The following SLC24A1 variants were observed in gnomAD, a reference collection of about 807,000 sequenced individuals.
SLC24A1 encodes the protein solute carrier family 24 member 1, also known as sodium/potassium/calcium exchanger 1.
SLC24A1 carries 52 observed loss-of-function variants against 88.1 expected under a neutral mutation model. That is an observed-to-expected ratio of 0.59 (90% CI 0.47 to 0.74). SLC24A1 has a LOEUF of 0.74. SLC24A1 is among the 30% of genes least tolerant of loss of function. The pLI, the probability that SLC24A1 is intolerant of heterozygous loss-of-function variation, is 0.00. For synonymous variants in SLC24A1, 455 were observed against 498.0 expected, an observed-to-expected ratio of 0.91 and a Z score of 1.15; for missense variants, 1,173 against 1,363.3, an observed-to-expected ratio of 0.86 and a Z score of 2.20.
At chr15:65,623,809 G>T in intron 1 of SLC24A1, 146 bp from the exon 2 acceptor site, 1 of 371,722 alleles carries the variant, frequency 2.7e-6, no homozygotes, top group Non-Finnish European at 4.8e-6. Flanking sequence ...GGAGCAGGGG[G>T]CAGGAGTAGT....
intron 4 of SLC24A1, among the ~76,000 whole-genome samples, chr15:65,640,609 G>C (rs564140941): frequency 6.6e-6 from 1 of 152,306 alleles, no homozygotes; most frequent in African/African-American, 2.4e-5. Context: ...GGAGGGCTGA[G>C]GGCTGAGCTG....
chr15:65,637,141 T>G (rs1264385987), intron 2 of SLC24A1, among the ~76,000 whole-genome samples: 1 of 152,144 alleles, frequency 6.6e-6, no homozygotes, highest in Non-Finnish European at 1.5e-5. Context: ...ATTACAAGAC[T>G]GTGAGTGTAA....
chr15:65,630,935 C>T (rs1319702784), intron 2 of SLC24A1, among the ~76,000 whole-genome samples: 1 of 152,090 alleles, frequency 6.6e-6, no homozygotes, highest in Non-Finnish European at 1.5e-5. Context: ...CATGCCACTG[C>T]ACTCCGGCCT....
intron 2 of SLC24A1, among the ~76,000 whole-genome samples, chr15:65,626,544 A>G (rs964629042): frequency 1.5e-4 from 23 of 152,234 alleles, no homozygotes; most frequent in Middle Eastern, 3.4e-3. Flanking sequence ...AAAATATTAG[A>G]GAAGATGGGA....
At chr15:65,626,201 A>G (rs1262371199) in intron 2 of SLC24A1, among the ~76,000 whole-genome samples, 1 of 152,218 alleles carries the variant, frequency 6.6e-6, no homozygotes, top group Non-Finnish European at 1.5e-5. Context: ...TGGTTATATT[A>G]TGATCCCCAT....
downstream of SLC24A1, chr15:65,660,303 G>A (rs1195926315): frequency 2.0e-6 from 3 of 1,535,258 alleles, no homozygotes; most frequent in Non-Finnish European, 2.6e-6. Flanking sequence ...AAATGTTTCA[G>A]CATGGTGCTA....
exon 1 of SLC24A1, chr15:65,611,717 G>T: frequency 6.5e-6 from 1 of 154,616 alleles, no homozygotes. Context: ...GGGAGGCCAA[G>T]GTGGGCGGAT....
chr15:65,615,902 C>T (rs1038331911), intron 2 of SLC24A1, among the ~76,000 whole-genome samples: 1 of 142,566 alleles, frequency 7.0e-6, no homozygotes, highest in Non-Finnish European at 1.5e-5. Context: ...CAACAGGCCC[C>T]AGTGTGTGAT....
At chr15:65,612,795 C>G (rs1341296993) in intron 2 of SLC24A1, among the ~76,000 whole-genome samples, 1 of 152,170 alleles carries the variant, frequency 6.6e-6, no homozygotes, top group Non-Finnish European at 1.5e-5. Context: ...GATTCATTAC[C>G]TTACCCAACC....
At chr15:65,613,963 T>A (rs2074056941) in intron 2 of SLC24A1, among the ~76,000 whole-genome samples, 1 of 152,190 alleles carries the variant, frequency 6.6e-6, no homozygotes, top group Non-Finnish European at 1.5e-5. Flanking sequence ...GTCTGGAGAC[T>A]GTTCACTCCC....
chr15:65,630,801 T>A (rs1358281956), intron 2 of SLC24A1, among the ~76,000 whole-genome samples: 1 of 152,094 alleles, frequency 6.6e-6, no homozygotes, highest in Non-Finnish European at 1.5e-5. Flanking sequence ...TGAATCCTCA[T>A]CTCTACTAAA....
At chr15:65,613,167 A>T (rs1055291816) in intron 2 of SLC24A1, among the ~76,000 whole-genome samples, 1 of 152,250 alleles carries the variant, frequency 6.6e-6, no homozygotes, top group African/African-American at 2.4e-5. Flanking sequence ...ATTAAAGGAA[A>T]TCAATAAATA....
At position 65,654,627 on chromosome 15, in the gene SLC24A1, G is replaced by GA. The variant is rs1276254682; in HGVS notation, c.*556dup. On this transcript the variant is annotated 3_prime_UTR_variant, in exon 10 of 10. Transcript: ENST00000261892. ...GTGAGTCTAAGGATCCAAGGCTACA[G>GA]AAAAAAAAGAAATATAACAGGAATT... The GA allele has an allele frequency of 4.4e-5, 55 of 1,253,902 alleles. No individual in the cohort carries two copies. The highest frequency in any genetic ancestry group is 6.9e-4 in the Middle Eastern group (2 of 2,894). 77.7% of individuals were successfully genotyped at this position (1,253,902 alleles called of 1,614,324 possible).
intron 2 of SLC24A1, among the ~76,000 whole-genome samples, chr15:65,635,716 C>T (rs961680387): frequency 1.3e-5 from 2 of 152,202 alleles, no homozygotes; most frequent in African/African-American, 4.8e-5. Flanking sequence ...AGCATTCAAA[C>T]CTCTCCCAAT....
intron 2 of SLC24A1, among the ~76,000 whole-genome samples, chr15:65,616,083 A>G (rs2074133905): frequency 6.6e-6 from 1 of 152,052 alleles, no homozygotes; most frequent in East Asian, 1.9e-4. Flanking sequence ...GCTGCATAGT[A>G]TTCCATGGTG....
chr15:65,659,341 T>G (rs1474190690), downstream of SLC24A1: 10 of 135,446 alleles, frequency 7.4e-5, no homozygotes, highest in African/African-American at 2.7e-4. Context: ...TTTTTTTTTT[T>G]TTTTTTTTTT....
intron 6 of SLC24A1, among the ~76,000 whole-genome samples, chr15:65,649,562 A>C (rs2075425625): frequency 6.6e-6 from 1 of 152,170 alleles, no homozygotes; most frequent in African/African-American, 2.4e-5. Flanking sequence ...ACCATGGGCA[A>C]GTTACTTAGT....
downstream of SLC24A1, chr15:65,660,576 C>A: frequency 2.7e-6 from 1 of 369,062 alleles, no homozygotes; most frequent in Non-Finnish European, 4.8e-6. Context: ...AGAAATTACC[C>A]AAAGAAAGTT....
upstream of SLC24A1, among the ~76,000 whole-genome samples, chr15:65,620,422 C>T (rs918214490): frequency 2.6e-5 from 4 of 152,188 alleles, no homozygotes; most frequent in South Asian, 4.1e-4. Flanking sequence ...CACAACAACC[C>T]TATCAAACAG....
Sources: gnomAD v4.1 joint callset for allele counts (sites outside exome capture counted in the v4.1 genomes callset) on GRCh38, gnomAD v4.1.1 for gene constraint, MANE v1.5 for transcripts, NCBI Gene and HGNC (gene_info 2026-07-23, HGNC 2026-07-21) for gene names.